Variants in NCKAP5 observed in about 807,000 individuals in gnomAD.
NCKAP5 encodes the protein NCK associated protein 5.
A neutral mutation model predicts 167.0 loss-of-function variants in NCKAP5; 92 were observed. That is an observed-to-expected ratio of 0.55 (90% CI 0.47 to 0.66). NCKAP5 has a LOEUF of 0.66. Ranked by LOEUF, NCKAP5 falls within the 30% of genes least tolerant of loss-of-function variation. NCKAP5 has a pLI of 0.00. For missense variants in NCKAP5, 2,378 were observed against 2,315.0 expected, an observed-to-expected ratio of 1.03 and a Z score of -0.56; for synonymous variants, 891 against 877.4, an observed-to-expected ratio of 1.02 and a Z score of -0.27.
intron 11 of NCKAP5, among the ~76,000 whole-genome samples, chr2:132,845,837 T>C (rs903970782): frequency 1.3e-5 from 2 of 152,214 alleles, no homozygotes; most frequent in African/African-American, 2.4e-5. Flanking sequence ...TGTATTTTGA[T>C]TGAAAATGCA....
chr2:133,254,087 T>C (rs1235447070), intron 4 of NCKAP5, among the ~76,000 whole-genome samples: 1 of 152,188 alleles, frequency 6.6e-6, no homozygotes, highest in African/African-American at 2.4e-5. Context: ...TCTCCAAAGA[T>C]GGCCCCCAAT....
chr2:133,522,352 C>T (rs1195413495), intron 2 of NCKAP5, among the ~76,000 whole-genome samples: 1 of 152,182 alleles, frequency 6.6e-6, no homozygotes, highest in African/African-American at 2.4e-5. Flanking sequence ...TTGCTTGAAA[C>T]ATCTACAGTA....
chr2:132,851,657 C>T (rs1689089628), intron 11 of NCKAP5, among the ~76,000 whole-genome samples: 1 of 152,158 alleles, frequency 6.6e-6, no homozygotes, highest in African/African-American at 2.4e-5. Flanking sequence ...TTGGTATCTA[C>T]CCTCCCCTCC....
At chr2:132,973,779 A>G (rs572104312) in intron 7 of NCKAP5, among the ~76,000 whole-genome samples, 48 of 152,026 alleles carry the variant, frequency 3.2e-4, no homozygotes, top group African/African-American at 1.1e-3. Context: ...TTTGCTGTGT[A>G]CTTTTCTTGG....
At chr2:132,870,257 C>T (rs147267625) in intron 9 of NCKAP5, among the ~76,000 whole-genome samples, 8 of 152,266 alleles carry the variant, frequency 5.3e-5, no homozygotes, top group African/African-American at 1.4e-4. Context: ...TGCATAGAGT[C>T]ACCTACTAAA....
chr2:133,464,781 T>C (rs1692437293), intron 3 of NCKAP5, among the ~76,000 whole-genome samples: 2 of 152,072 alleles, frequency 1.3e-5, no homozygotes, highest in South Asian at 4.2e-4. Context: ...AGTAGAAAAC[T>C]TGGATGCCAC....
chr2:133,341,946 C>CT (rs35428942), intron 3 of NCKAP5, among the ~76,000 whole-genome samples: 1,514 of 150,124 alleles, frequency 0.01, 26 homozygotes, highest in African/African-American at 0.032. Flanking sequence ...TCTAAACATT[C>CT]TTTTTTTTTT....
At chr2:133,153,437 T>G (rs1260917942) in intron 5 of NCKAP5, among the ~76,000 whole-genome samples, 1 of 152,168 alleles carries the variant, frequency 6.6e-6, no homozygotes, top group Non-Finnish European at 1.5e-5. Flanking sequence ...TCTGCTTAAT[T>G]TTTCTGTAAA....
At chr2:133,405,860 G>A (rs1321055899) in intron 3 of NCKAP5, among the ~76,000 whole-genome samples, 1 of 152,208 alleles carries the variant, frequency 6.6e-6, no homozygotes, top group Non-Finnish European at 1.5e-5. Flanking sequence ...CTATGACAGA[G>A]CCAGATGCCG....
At chr2:132,683,099 G>C (rs1685457418) in intron 19 of NCKAP5, among the ~76,000 whole-genome samples, 1 of 151,924 alleles carries the variant, frequency 6.6e-6, no homozygotes, top group Non-Finnish European at 1.5e-5. Flanking sequence ...GGCCAGGCTG[G>C]TTTCGAATAC....
intron 7 of NCKAP5, 54 bp from the exon 8 acceptor site, chr2:132,963,923 G>C: frequency 1.9e-6 from 3 of 1,594,988 alleles, no homozygotes; most frequent in East Asian, 4.5e-5. Flanking sequence ...AAATAAGCAT[G>C]AGTGTGAGGC....
At chr2:133,189,774 C>G (rs1321547032) in intron 5 of NCKAP5, among the ~76,000 whole-genome samples, 1 of 152,152 alleles carries the variant, frequency 6.6e-6, no homozygotes, top group Non-Finnish European at 1.5e-5. Flanking sequence ...GGACGTACCT[C>G]AAAATAATAA....
rs528388852 is a variant in NCKAP5 at position 132,678,808 on chromosome 2, A to G, written c.5714-5503T>C. Among the ~76,000 whole-genome samples, 5 of 152,264 alleles carry G rather than the reference A, an allele frequency of 3.3e-5. No individual in the cohort carries two copies. The East Asian group carries it at 9.6e-4, about 29-fold the overall frequency. ...GCCTGACTACAGGACTTGGGATCTT[A>G]ATCACTGTGTATTACCCCAGGTTTT... On this transcript the variant is annotated intron_variant, in intron 19 of 19. Transcript: ENST00000409261.
chr2:133,650,774 C>G, the NCKAP5 span, among the ~76,000 whole-genome samples: 2 of 152,022 alleles, frequency 1.3e-5, no homozygotes, highest in Non-Finnish European at 2.9e-5. Context: ...CCCAGCTACT[C>G]AGGAGGCTGA....
Position 132,752,368 on chromosome 2 carries a change from T to C in NCKAP5, c.5129-20317A>G, listed in dbSNP as rs575778333. 6.1e-4 allele frequency among the ~76,000 whole-genome samples: 93 copies of C among 152,324 alleles called. 1 individual carries two copies. Among genetic ancestry groups the C allele is most frequent in the Middle Eastern group, 3.4e-3 (1 of 294 alleles). On this transcript the variant is annotated intron_variant, in intron 16 of 19. Transcript: ENST00000409261. ...ATGAGTTTTGAATTCAGACTCAGTC[T>C]AAAAAGTAAAAGCATTGAGCTTTGT...
At chr2:133,170,214 A>G (rs1574258226) in intron 5 of NCKAP5, among the ~76,000 whole-genome samples, 1 of 152,274 alleles carries the variant, frequency 6.6e-6, no homozygotes, top group African/African-American at 2.4e-5. Context: ...ATGGAAGGCA[A>G]GATTGTGCAA....
chr2:132,912,060 C>T (rs971070849), intron 8 of NCKAP5, among the ~76,000 whole-genome samples: 8 of 152,144 alleles, frequency 5.3e-5, no homozygotes, highest in Non-Finnish European at 1.2e-4. Context: ...GAAAAGAGTA[C>T]TCATAGTTTT....
At chr2:132,779,796 T>C (rs1262944456) in intron 15 of NCKAP5, among the ~76,000 whole-genome samples, 1 of 152,206 alleles carries the variant, frequency 6.6e-6, no homozygotes, top group African/African-American at 2.4e-5. Context: ...TAATAATTAA[T>C]AACTAATAAT....
At chr2:133,047,107 T>G (rs766244049) in intron 6 of NCKAP5, among the ~76,000 whole-genome samples, 15 of 152,242 alleles carry the variant, frequency 9.9e-5, no homozygotes, top group Non-Finnish European at 1.6e-4. Context: ...TTTTTCTGGC[T>G]GCTTCAGCTG....
Sources: gnomAD v4.1 joint callset for allele counts (sites outside exome capture counted in the v4.1 genomes callset) on GRCh38, gnomAD v4.1.1 for gene constraint, MANE v1.5 for transcripts, NCBI Gene and HGNC (gene_info 2026-07-23, HGNC 2026-07-21) for gene names.